The following HAT1 variants were observed in gnomAD, a reference collection of about 807,000 sequenced individuals.
HAT1 encodes histone acetyltransferase type B catalytic subunit.
A neutral mutation model predicts 56.6 loss-of-function variants in HAT1; 20 were observed. The ratio of observed to expected loss-of-function variants is 0.35; its 90% CI spans 0.25 to 0.51. HAT1 has a LOEUF of 0.51. Ranked by LOEUF, HAT1 falls within the 20% of genes least tolerant of loss-of-function variation. HAT1 has a pLI of 0.95. For synonymous variants in HAT1, 146 were observed against 165.5 expected (o/e 0.88, Z 0.91); for missense variants, 408 against 504.3 (o/e 0.81, Z 1.83).
At chr2:171,941,419 G>T (rs1300447808) in intron 2 of HAT1, among the ~76,000 whole-genome samples, 1 of 152,086 alleles carries the variant, frequency 6.6e-6, no homozygotes, top group Non-Finnish European at 1.5e-5. Context: ...CTCCTTGTTG[G>T]CCAGGCTGGG....
intron 4 of HAT1, among the ~76,000 whole-genome samples, chr2:171,953,258 A>T (rs767306856): frequency 4.6e-5 from 7 of 152,156 alleles, no homozygotes; most frequent in Non-Finnish European, 1.0e-4. Flanking sequence ...AGGTCAGAGG[A>T]TGGCTTGAGC....
chr2:171,922,611 C>A, intron 1 of HAT1, 104 bp downstream of exon 1: 1 of 1,020,058 alleles, frequency 9.8e-7, no homozygotes, highest in Non-Finnish European at 1.3e-6. Flanking sequence ...CGGGCTGTAG[C>A]CTGGGTTCCA....
At chr2:171,936,603 A>T (rs570401692) in intron 2 of HAT1, among the ~76,000 whole-genome samples, 1 of 152,334 alleles carries the variant, frequency 6.6e-6, no homozygotes, top group South Asian at 2.1e-4. Context: ...GTTAATGGGA[A>T]TAAAGAGTGT....
chr2:171,951,000 G>C (rs1350927088), intron 3 of HAT1, among the ~76,000 whole-genome samples: 1 of 152,010 alleles, frequency 6.6e-6, no homozygotes, highest in Non-Finnish European at 1.5e-5. Flanking sequence ...TGGTAGAGAT[G>C]GGGTTTTGCC....
At chr2:171,972,912 G>A (rs1687855206) in intron 8 of HAT1, among the ~76,000 whole-genome samples, 1 of 152,084 alleles carries the variant, frequency 6.6e-6, no homozygotes, top group South Asian at 2.1e-4. Flanking sequence ...TCTTCTCAAT[G>A]TCTTCTTTTC....
chr2:171,978,916 T>C (rs1688056923), intron 9 of HAT1, among the ~76,000 whole-genome samples: 1 of 146,906 alleles, frequency 6.8e-6, no homozygotes, highest in Non-Finnish European at 1.5e-5. Flanking sequence ...TGAGATCCCA[T>C]TTCTACAAAA....
At chr2:171,934,117 G>A (rs1400128669) in intron 2 of HAT1, among the ~76,000 whole-genome samples, 2 of 152,064 alleles carry the variant, frequency 1.3e-5, no homozygotes, top group Non-Finnish European at 2.9e-5. Context: ...ATTATAAAAT[G>A]TTCCATCTTT....
chr2:171,983,124 G>C, intron 10 of HAT1, 61 bp from the exon 11 acceptor site: 1 of 981,314 alleles, frequency 1.0e-6, no homozygotes, highest in Non-Finnish European at 1.5e-6. Context: ...ACTTAAAATT[G>C]TAAGACTATA....
chr2:171,948,590 C>T (rs1324981223), intron 3 of HAT1, among the ~76,000 whole-genome samples: 1 of 152,100 alleles, frequency 6.6e-6, no homozygotes, highest in Non-Finnish European at 1.5e-5. Flanking sequence ...TCTAGTAATT[C>T]CTTTATAGCA....
intron 2 of HAT1, among the ~76,000 whole-genome samples, chr2:171,936,820 C>G (rs1173997866): frequency 6.6e-6 from 1 of 152,098 alleles, no homozygotes; most frequent in East Asian, 1.9e-4. Flanking sequence ...TTAAAGAACA[C>G]AGGATTATGA....
intron 8 of HAT1, among the ~76,000 whole-genome samples, chr2:171,973,125 C>G (rs915452967): frequency 6.6e-6 from 1 of 152,070 alleles, no homozygotes. Context: ...CTCCATTCTC[C>G]ACTCTCTTCT....
rs150826468 is a variant in HAT1 at position 171,941,369 on chromosome 2, C to T, written c.113-5339C>T. Among the ~76,000 whole-genome samples, 456 of 152,238 alleles carry T rather than the reference C, an allele frequency of 3.0e-3. 13 individuals carry two copies. In the East Asian group the frequency reaches 0.059, roughly 20 times the overall value. The stretch of plus-strand genomic sequence containing the variant: ...CTGTGATTTTAGGTGTGTGCCACCA[C>T]AGCTGGCTAAGTTTTGTATTTTTAG... On this transcript the variant is annotated intron_variant, in intron 2 of 10. Coordinates refer to ENST00000264108, the MANE Select transcript of HAT1 (RefSeq NM_003642.4).
intron 4 of HAT1, among the ~76,000 whole-genome samples, chr2:171,958,139 ATT>A (rs1687490671): frequency 1.3e-5 from 2 of 152,028 alleles, no homozygotes; most frequent in South Asian, 4.1e-4. Context: ...ATTTTGAGGG[ATT>A]TGTTATATTT....
chr2:171,930,782 A>T (rs557591018), intron 2 of HAT1, among the ~76,000 whole-genome samples: 81 of 145,402 alleles, frequency 5.6e-4, no homozygotes, highest in African/African-American at 1.9e-3. Flanking sequence ...GCTTGGCAAA[A>T]TTTTTTTTTT....
chr2:171,981,683 CAT>C (rs1276437658), intron 10 of HAT1, among the ~76,000 whole-genome samples: 1 of 152,166 alleles, frequency 6.6e-6, no homozygotes, highest in African/African-American at 2.4e-5. Context: ...AATAGTTCCT[CAT>C]AGTGTCATTT....
chr2:171,941,462 T>C (rs1407204343), intron 2 of HAT1, among the ~76,000 whole-genome samples: 2 of 152,078 alleles, frequency 1.3e-5, no homozygotes, highest in African/African-American at 2.4e-5. Context: ...CTGCAAGCAA[T>C]TGATTTATTA....
intron 2 of HAT1, among the ~76,000 whole-genome samples, chr2:171,943,809 G>A (rs1201573852): frequency 4.0e-5 from 6 of 150,242 alleles, no homozygotes; most frequent in Non-Finnish European, 8.9e-5. Flanking sequence ...TCAATACTGC[G>A]TAATTTCTGG....
intron 9 of HAT1, among the ~76,000 whole-genome samples, chr2:171,977,536 TATATATATATATA>T (rs1362093642): frequency 6.8e-5 from 1 of 14,748 alleles, no homozygotes; most frequent in Non-Finnish European, 1.3e-4. Flanking sequence ...TATATATATA[TATATATATATATA>T]TATATATATT....
At chr2:171,925,891 T>C (rs1389352315) in intron 2 of HAT1, among the ~76,000 whole-genome samples, 1 of 152,184 alleles carries the variant, frequency 6.6e-6, no homozygotes, top group Non-Finnish European at 1.5e-5. Context: ...TAAGTATATA[T>C]AGTTTTAGCC....
Sources: allele counts gnomAD v4.1 joint callset (sites outside exome capture counted in the v4.1 genomes callset), GRCh38; gene constraint gnomAD v4.1.1; transcripts MANE v1.5; gene names NCBI Gene and HGNC (gene_info 2026-07-23, HGNC 2026-07-21).